The following ARMC3 variants were observed in gnomAD, a reference collection of about 807,000 sequenced individuals.
ARMC3 encodes the protein armadillo repeat-containing protein 3.
In ARMC3, 74 loss-of-function variants were observed where a neutral mutation model predicts 90.3. The ratio of observed to expected loss-of-function variants is 0.82; its 90% confidence interval spans 0.68 to 0.99. The LOEUF is 0.99. ARMC3 is among the 50% of genes least tolerant of loss of function. ARMC3 has a pLI of 0.00. For missense variants in ARMC3, 958 were observed against 1,042.8 expected (o/e 0.92, Z 1.12); for synonymous variants, 334 against 361.8 (o/e 0.92, Z 0.87).
chr10:22,943,275 T>C (rs1834391173), intron 2 of ARMC3, among the ~76,000 whole-genome samples: 1 of 152,224 alleles, frequency 6.6e-6, no homozygotes. Flanking sequence ...TTTGATTTTA[T>C]TCCTATCATT....
chr10:23,002,548 CTCTTTCTT>C (rs137938291), intron 12 of ARMC3, among the ~76,000 whole-genome samples: 13,539 of 147,434 alleles, frequency 0.092, 1,215 homozygotes, highest in African/African-American at 0.23. Context: ...CATTTCTTTT[CTCTTTCTT>C]TCTTTCTTTC....
intron 8 of ARMC3, among the ~76,000 whole-genome samples, chr10:22,976,657 C>T (rs950744229): frequency 6.6e-6 from 1 of 152,188 alleles, no homozygotes; most frequent in Non-Finnish European, 1.5e-5. Flanking sequence ...ACTAATGTTT[C>T]AGCTGCCTCC....
chr10:22,989,027 C>G (rs574725212), intron 10 of ARMC3, among the ~76,000 whole-genome samples: 2 of 152,278 alleles, frequency 1.3e-5, no homozygotes, highest in South Asian at 4.1e-4. Context: ...GTTCCATTTT[C>G]TAACAATGCA....
intron 16 of ARMC3, among the ~76,000 whole-genome samples, chr10:23,010,191 CTCCTTCCCTTCCCTCCGCTTCTTTG>C (rs1158978317): frequency 3.5e-5 from 5 of 141,346 alleles, no homozygotes; most frequent in Admixed American, 1.4e-4. Context: ...CAGCTTCCCT[CTCCTTCCCTTCCCTCCGCTTCTTTG>C]TCCTTCCCTT....
At chr10:23,025,658 C>G (rs188545808) in intron 16 of ARMC3, among the ~76,000 whole-genome samples, 1 of 151,868 alleles carries the variant, frequency 6.6e-6, no homozygotes. Flanking sequence ...GGTCTCAAAT[C>G]AACAATCTGA....
chr10:22,969,762 G>A (rs1014222494), intron 8 of ARMC3, among the ~76,000 whole-genome samples: 1 of 152,144 alleles, frequency 6.6e-6, no homozygotes, highest in Non-Finnish European at 1.5e-5. Context: ...GGGGAGACAC[G>A]GACAATGCCA....
chr10:23,001,686 A>G (rs768186263), intron 11 of ARMC3, among the ~76,000 whole-genome samples: 55 of 152,086 alleles, frequency 3.6e-4, no homozygotes, highest in Non-Finnish European at 2.8e-4. Flanking sequence ...CCCACGTAAA[A>G]TCAGGATGAC....
In ARMC3 at chr10:22,981,657, C is replaced by T; in HGVS notation, c.1132C>T (p.Leu378=). The T allele has an allele frequency of 6.2e-7, 1 of 1,614,098 alleles. No individual in the cohort carries two copies. The highest frequency in any genetic ancestry group is 8.5e-7 in the Non-Finnish European group (1 of 1,179,992). Residue 378 remains leucine, a synonymous_variant, in exon 10 of 19, where the codon CTA becomes TTA. Coordinates refer to ENST00000298032, the MANE Select transcript of ARMC3 (RefSeq NM_173081.5). The part of the protein sequence containing the change: ...DNEEVREAAA[L]ALANLTTCNP... ...TGAAGAGGTACGGGAAGCAGCAGCT[C>T]TAGCCCTGGCAAACCTAACCACTTG...
At chr10:22,954,107 CT>C (rs1035623074) in intron 3 of ARMC3, among the ~76,000 whole-genome samples, 2 of 152,134 alleles carry the variant, frequency 1.3e-5, no homozygotes, top group African/African-American at 4.8e-5. Context: ...TTGCATTTCC[CT>C]AATGACTAAT....
chr10:22,940,814 C>T (rs1834298211), intron 2 of ARMC3, among the ~76,000 whole-genome samples: 2 of 152,156 alleles, frequency 1.3e-5, no homozygotes, highest in South Asian at 2.1e-4. Context: ...GTTAAACATG[C>T]ACTTGCCAGA....
intron 10 of ARMC3, among the ~76,000 whole-genome samples, chr10:22,991,992 G>A (rs773951290): frequency 1.4e-4 from 21 of 152,164 alleles, no homozygotes; most frequent in Non-Finnish European, 2.5e-4. Flanking sequence ...CTAACTCCTT[G>A]ACCATCATTT....
chr10:23,032,881 G>A lies in ARMC3; in HGVS notation c.2267G>A (p.Gly756Asp). 15 of 1,612,166 alleles carry A rather than the reference G, an allele frequency of 9.3e-6. No individual in the cohort carries two copies. Among genetic ancestry groups the A allele is most frequent in the Non-Finnish European group, 1.3e-5 (15 of 1,179,184 alleles). ...CACAGGTATGTAGCAGAAAAAATGG[G>A]TGGTAAGATTCCAAAAGAGAAACTA... Reference protein sequence around the residue: ...DLAKYVAEKMGGKIPKEKLPD... With the variant: ...DLAKYVAEKMDGKIPKEKLPD... The change falls in exon 18 of 19, where the codon GGT becomes GAT. Residue 756 changes from glycine (G) to aspartate (D), a missense_variant. Physicochemically the swap from Gly to Asp is moderately conservative, Grantham distance 94. Transcript: ENST00000298032.
At chr10:23,025,483 A>G (rs2131549208) in intron 16 of ARMC3, among the ~76,000 whole-genome samples, 1 of 152,290 alleles carries the variant, frequency 6.6e-6, no homozygotes, top group South Asian at 2.1e-4. Flanking sequence ...TGAATGATGC[A>G]CTTCTCAATA....
Position 23,001,931 on chromosome 10 carries a change from G to A in ARMC3, c.1438G>A (p.Gly480Ser). ...TTTCTGCTTTTAGTTAAGAAATTCTGGTGGATTGGAGCCCCTGGTAGAGCT... is the reference window on the plus strand; with the variant it reads ...TTTCTGCTTTTAGTTAAGAAATTCTAGTGGATTGGAGCCCCTGGTAGAGCT... Reference protein sequence around the residue: ...VEARTELRNSGGLEPLVELLR... With the variant: ...VEARTELRNSSGLEPLVELLR... Residue 480 changes from glycine to serine, a missense_variant, in exon 12 of 19, where the codon GGT becomes AGT. Gly to Ser is a moderately conservative substitution (Grantham distance 56). Coordinates refer to ENST00000298032, the MANE Select transcript of ARMC3 (RefSeq NM_173081.5). 1.9e-6 allele frequency: 3 copies of A among 1,613,430 alleles called. No individual in the cohort carries two copies. Among genetic ancestry groups the A allele is most frequent in the Non-Finnish European group, 8.5e-7 (1 of 1,179,728 alleles).
At chr10:22,980,131 CAT>C (rs1347273805) in intron 8 of ARMC3, among the ~76,000 whole-genome samples, 12 of 152,082 alleles carry the variant, frequency 7.9e-5, no homozygotes, top group East Asian at 1.9e-4. Context: ...AGTTAATTAA[CAT>C]GTGTATAAGT....
chr10:22,980,132 A>T (rs1207385061), intron 8 of ARMC3, among the ~76,000 whole-genome samples: 1 of 152,210 alleles, frequency 6.6e-6, no homozygotes, highest in African/African-American at 2.4e-5. Flanking sequence ...GTTAATTAAC[A>T]TGTGTATAAG....
At chr10:22,999,895 C>A (rs1837204498) in intron 11 of ARMC3, among the ~76,000 whole-genome samples, 1 of 152,200 alleles carries the variant, frequency 6.6e-6, no homozygotes, top group Non-Finnish European at 1.5e-5. Flanking sequence ...ATGTATTTAC[C>A]AAGTACTGCG....
At chr10:22,956,108 T>TA (rs1365791761) in intron 4 of ARMC3, among the ~76,000 whole-genome samples, 176 bp downstream of exon 4, 3 of 152,224 alleles carry the variant, frequency 2.0e-5, no homozygotes, top group African/African-American at 7.2e-5. Flanking sequence ...AGGGATAATT[T>TA]TAAAATAAGA....
chr10:23,029,068 TAGTGCCACC>T (rs1000485280), intron 16 of ARMC3, among the ~76,000 whole-genome samples: 11 of 152,196 alleles, frequency 7.2e-5, no homozygotes, highest in Non-Finnish European at 1.5e-4. Context: ...TATAGGATCC[TAGTGCCACC>T]AGTGCCACCA....
Sources: gnomAD v4.1 joint callset for allele counts (sites outside exome capture counted in the v4.1 genomes callset) on GRCh38, gnomAD v4.1.1 for gene constraint, MANE v1.5 for transcripts, NCBI Gene and HGNC (gene_info 2026-07-23, HGNC 2026-07-21) for gene names.